Variants in RFX2 observed in about 807,000 individuals in gnomAD.
RFX2 encodes regulatory factor X2, also known as DNA-binding protein RFX2.
Under a neutral mutation model 87.8 loss-of-function variants are expected in RFX2, and 20 were observed. That is an observed-to-expected ratio of 0.23 (90% CI 0.16 to 0.33). The LOEUF is 0.33. Ranked by LOEUF, RFX2 falls within the 10% of genes least tolerant of loss-of-function variation. The pLI is 1.00. For missense variants in RFX2, 767 were observed against 1,012.3 expected (o/e 0.76, Z 3.29); for synonymous variants, 397 against 431.3 (o/e 0.92, Z 0.98).
At chr19:6,077,534 G>T (rs957683795) in intron 1 of RFX2, among the ~76,000 whole-genome samples, 8 of 152,182 alleles carry the variant, frequency 5.3e-5, no homozygotes, top group Non-Finnish European at 1.0e-4. Flanking sequence ...TATAAGTGGG[G>T]TCTTTTTCCC....
chr19:6,105,118 C>CAA (rs1261973557), intron 1 of RFX2, among the ~76,000 whole-genome samples: 5 of 62,254 alleles, frequency 8.0e-5, no homozygotes, highest in Non-Finnish European at 1.6e-4. Flanking sequence ...CTCCGTCTCA[C>CAA]AAAAAAAAAA....
At chr19:6,046,168 T>C (rs571218237) in intron 2 of RFX2, among the ~76,000 whole-genome samples, 1 of 152,358 alleles carries the variant, frequency 6.6e-6, no homozygotes, top group Non-Finnish European at 1.5e-5. Flanking sequence ...GCTTATTTCA[T>C]TCCACGGTAG....
intron 5 of RFX2, among the ~76,000 whole-genome samples, chr19:6,030,578 T>C (rs2086942516): frequency 6.6e-6 from 1 of 152,138 alleles, no homozygotes; most frequent in South Asian, 2.1e-4. Context: ...AGCAGATTAG[T>C]GGCTGTCAGG....
intron 1 of RFX2, among the ~76,000 whole-genome samples, chr19:6,103,135 A>G (rs1250195693): frequency 6.6e-6 from 1 of 152,230 alleles, no homozygotes; most frequent in Non-Finnish European, 1.5e-5. Context: ...GGACCATTAC[A>G]TGTAAGTTCT....
rs2087218737 is a variant in RFX2, at chr19:6,047,923, G to T, written c.-8-419C>A. Among the ~76,000 whole-genome samples the T allele has an allele frequency of 6.6e-6, 1 of 152,236 alleles. No individual in the cohort carries two copies. The highest frequency in any genetic ancestry group is 1.5e-5 in the Non-Finnish European group (1 of 68,050). ...TACTGCACCCCAAACGACAACGGGA[G>T]AAACTCTAAGGCTGGGTTTCCCCAC... On this transcript the variant is annotated intron_variant, in intron 1 of 17. Coordinates refer to ENST00000303657, the MANE Select transcript of RFX2 (RefSeq NM_000635.4). The surrounding 1 kb of genome is among the most constrained non-coding windows in gnomAD (Gnocchi z 4.2).
Position 6,026,493 on chromosome 19 carries a change from G to T in RFX2, c.523-256C>A. 1 of 553,790 alleles carries T rather than the reference G, an allele frequency of 1.8e-6. No individual in the cohort carries two copies. Among genetic ancestry groups the T allele is most frequent in the Non-Finnish European group, 3.2e-6 (1 of 310,342 alleles). 34.3% of individuals were successfully genotyped at this position (553,790 alleles called of 1,614,324 possible). A position where few individuals can be genotyped will look rare whatever the true frequency, so the allele number is the denominator to read the frequency against. On this transcript the variant is annotated intron_variant, in intron 5 of 17. Transcript: ENST00000303657. The surrounding 1 kb of genome is among the most constrained non-coding windows in gnomAD (Gnocchi z 4.5). ...GTCCAACAGAAGCAGCAGAAATCAT[G>T]TTGTAAAAACTTGCTACTGAACTTT...
chr19:6,018,748 G>A (rs1423063879), intron 6 of RFX2, among the ~76,000 whole-genome samples: 4 of 152,208 alleles, frequency 2.6e-5, no homozygotes, highest in East Asian at 1.9e-4. Flanking sequence ...CGTAAGCCTC[G>A]AAGTGTGGGT....
At chr19:6,059,645 G>A (rs1402009096) in intron 1 of RFX2, among the ~76,000 whole-genome samples, 1 of 152,118 alleles carries the variant, frequency 6.6e-6, no homozygotes, top group East Asian at 1.9e-4. Context: ...TCCCCCAGGA[G>A]TGGACATGAG....
chr19:6,004,382 C>T lies in RFX2; in HGVS notation c.1403-84G>A. On this transcript the variant is annotated intron_variant, in intron 12 of 17. Coordinates refer to ENST00000303657, the MANE Select transcript of RFX2 (RefSeq NM_000635.4). This position sits in a 1 kb window ranked among gnomAD's most constrained non-coding sequence, Gnocchi z 4.8. ...TCAGCATTCAGTGTAAGAGCTGGCC[C>T]AAGTGCGATGAAAATGACCACCATG... 2 of 1,142,398 alleles carry T rather than the reference C, an allele frequency of 1.8e-6. No homozygotes were observed. Among genetic ancestry groups the T allele is most frequent in the Non-Finnish European group, 1.3e-6 (1 of 753,972 alleles). 70.8% of individuals were successfully genotyped at this position (1,142,398 alleles called of 1,614,324 possible).
intron 5 of RFX2, among the ~76,000 whole-genome samples, chr19:6,038,328 G>GAAAAAAAA (rs55857624): frequency 6.5e-5 from 4 of 61,078 alleles, no homozygotes; most frequent in African/African-American, 6.8e-5. Context: ...CTCCGTCTCA[G>GAAAAAAAA]AAAAAAAAAA....
rs2087157084 is a variant in RFX2, at chr19:6,044,393, A to G, written c.91-111T>C. The G allele has an allele frequency of 2.8e-6, 2 of 702,848 alleles. No homozygotes were observed. Among genetic ancestry groups the G allele is most frequent in the Non-Finnish European group, 4.3e-6 (2 of 464,086 alleles). The allele number at this position is 702,848 out of a possible 1,614,324, so 43.5% of individuals were successfully genotyped here. A position where few individuals can be genotyped will look rare whatever the true frequency, so the allele number is the denominator to read the frequency against. ...GTTCATGTGCTTTTTATTAAAACAT[A>G]GGCAGGACTGATCAGAGGCGACGGC... On this transcript the variant is annotated intron_variant, in intron 2 of 17. Coordinates refer to ENST00000303657, the MANE Select transcript of RFX2 (RefSeq NM_000635.4). The surrounding 1 kb of genome is among the most constrained non-coding windows in gnomAD (Gnocchi z 5.3).
intron 17 of RFX2, 99 bp from the exon 18 acceptor site, chr19:5,995,049 G>A: frequency 1.1e-6 from 1 of 922,588 alleles, no homozygotes; most frequent in Non-Finnish European, 1.7e-6. Context: ...ACGCCAGGCA[G>A]GGCACCGAGG....
In RFX2 at chr19:6,087,859, G is replaced by A. The variant is rs74553608; in HGVS notation, c.-9+22534C>T. ...TTAGGTGGACAGCGTGTTTTGATACGAAGGTGATGGGTTACAGGTGCTGGG... is the reference window on the plus strand; with the variant it reads ...TTAGGTGGACAGCGTGTTTTGATACAAAGGTGATGGGTTACAGGTGCTGGG... On this transcript the variant is annotated intron_variant, in intron 1 of 17. Transcript: ENST00000303657. 9.8e-3 allele frequency among the ~76,000 whole-genome samples: 1,492 copies of A among 152,262 alleles called. 7 individuals carry two copies. Among genetic ancestry groups the A allele is most frequent in the Middle Eastern group, 0.021 (6 of 292 alleles).
chr19:6,027,779 G>C lies in RFX2; in HGVS notation c.523-1542C>G, dbSNP rs2086910223. ...AGCTTTATTTACTTATCTTTTTCTT[G>C]AGCCAGAGTCTTACTCTGTTTCCCA... On this transcript the variant is annotated intron_variant, in intron 5 of 17. Transcript: ENST00000303657. The surrounding 1 kb of genome is among the most constrained non-coding windows in gnomAD (Gnocchi z 5.0). 6.6e-6 allele frequency among the ~76,000 whole-genome samples: 1 copy of C among 152,182 alleles called. No individual in the cohort carries two copies. Among genetic ancestry groups the C allele is most frequent in the African/African-American group, 2.4e-5 (1 of 41,446 alleles).
chr19:6,070,520 G>A (rs1205278288), intron 1 of RFX2, among the ~76,000 whole-genome samples: 1 of 152,010 alleles, frequency 6.6e-6, no homozygotes, highest in African/African-American at 2.4e-5. Context: ...GATAGGGCCT[G>A]GGTATAAAGT....
intron 5 of RFX2, among the ~76,000 whole-genome samples, chr19:6,038,025 A>C (rs989208809): frequency 6.6e-6 from 1 of 152,180 alleles, no homozygotes; most frequent in Non-Finnish European, 1.5e-5. Context: ...AGCAGATCTA[A>C]ATGTAAAATG....
Position 5,997,219 on chromosome 19 carries a change from G to C in RFX2, c.1860-6C>G. 1 of 1,608,172 alleles carries C rather than the reference G, an allele frequency of 6.2e-7. No individual in the cohort carries two copies. Among genetic ancestry groups the C allele is most frequent in the African/African-American group, 1.3e-5 (1 of 75,048 alleles). ...GGTCCCGGATCACCATGGAGCTGGG[G>C]ACAAGCGGACAGAGGCTGGGGACCC... On this transcript the variant is annotated splice_region_variant and splice_polypyrimidine_tract_variant and intron_variant, in intron 15 of 17. Coordinates refer to ENST00000303657, the MANE Select transcript of RFX2 (RefSeq NM_000635.4). The surrounding 1 kb of genome is among the most constrained non-coding windows in gnomAD (Gnocchi z 4.2).
intron 16 of RFX2, 122 bp downstream of exon 16, chr19:5,996,938 T>C: frequency 9.6e-7 from 1 of 1,037,886 alleles, no homozygotes; most frequent in Non-Finnish European, 1.4e-6. Flanking sequence ...GAGCTGCAGC[T>C]CTGTCCGGGC....
rs2072336152 is a variant in RFX2 at position 6,001,934 on chromosome 19, G to T, written c.1740C>A (p.Ser580=). ...DFKLTLQQQS[S]LDQWASWLDS... The stretch of plus-strand genomic sequence containing the variant: ...CCAGCCAGCTGGCCCACTGGTCCAG[G>T]GAGCTCTGCTGCTGCAGGGTCAGCT... The change falls in exon 15 of 18, where the codon TCC becomes TCA. Residue 580 remains serine (S), a synonymous_variant. Coordinates refer to ENST00000303657, the MANE Select transcript of RFX2 (RefSeq NM_000635.4). The surrounding 1 kb of genome is among the most constrained non-coding windows in gnomAD (Gnocchi z 5.6). 6.2e-7 allele frequency: 1 copy of T among 1,612,886 alleles called. No homozygotes were observed. Among genetic ancestry groups the T allele is most frequent in the Admixed American group, 1.7e-5 (1 of 60,018 alleles).
Sources: gnomAD v4.1 joint callset for allele counts (sites outside exome capture counted in the v4.1 genomes callset) on GRCh38, gnomAD v4.1.1 for gene constraint, Gnocchi (gnomAD v3.1) non-coding constraint, MANE v1.5 for transcripts, NCBI Gene and HGNC (gene_info 2026-07-23, HGNC 2026-07-21) for gene names.